Variants in CHN2 observed in about 807,000 individuals in gnomAD.
CHN2 encodes chimerin 2, also known as beta-chimaerin.
Under a neutral mutation model 56.3 loss-of-function variants are expected in CHN2, and 35 were observed. The observed-to-expected ratio is 0.62, with a 90% CI of 0.47 to 0.82. The LOEUF (loss-of-function observed/expected upper bound fraction) is 0.82. CHN2 is among the 40% of genes least tolerant of loss of function. CHN2 has a pLI of 0.00. For missense variants in CHN2, 491 were observed against 580.5 expected, an observed-to-expected ratio of 0.85 and a Z score of 1.58; for synonymous variants, 210 against 212.8, an observed-to-expected ratio of 0.99 and a Z score of 0.12.
intron 1 of CHN2, among the ~76,000 whole-genome samples, chr7:29,354,276 A>G (rs990877179): frequency 6.6e-6 from 1 of 152,234 alleles, no homozygotes; most frequent in African/African-American, 2.4e-5. Context: ...TGTGAGATGA[A>G]TTATATGTTT....
intron 10 of CHN2, 86 bp from the exon 11 acceptor site, chr7:29,507,142 G>T: frequency 2.7e-6 from 3 of 1,116,162 alleles, no homozygotes; most frequent in Non-Finnish European, 1.2e-6. Context: ...AGCATTCATC[G>T]CTGGATTTTT....
chr7:29,352,959 T>C (rs1384377757), intron 1 of CHN2, among the ~76,000 whole-genome samples: 2 of 152,202 alleles, frequency 1.3e-5, no homozygotes, highest in Non-Finnish European at 2.9e-5. Context: ...GCCTTGCTAT[T>C]ATAAGACACT....
chr7:29,435,875 A>G (rs1217271747), intron 6 of CHN2, among the ~76,000 whole-genome samples: 1 of 149,840 alleles, frequency 6.7e-6, no homozygotes, highest in Non-Finnish European at 1.5e-5. Flanking sequence ...ACTTCTCTAA[A>G]TCCTATCAGA....
chr7:29,442,017 T>C (rs1018746086), intron 6 of CHN2, among the ~76,000 whole-genome samples: 33 of 152,072 alleles, frequency 2.2e-4, no homozygotes, highest in African/African-American at 8.0e-4. Context: ...AGCCAAAAGA[T>C]AGAAACCTGC....
At chr7:29,409,568 G>A (rs1381171022) in intron 6 of CHN2, among the ~76,000 whole-genome samples, 1 of 152,206 alleles carries the variant, frequency 6.6e-6, no homozygotes, top group Admixed American at 6.5e-5. Flanking sequence ...TTTATTTGAA[G>A]TATAGGAAGA....
At chr7:29,382,123 A>G (rs1306931515) in intron 3 of CHN2, among the ~76,000 whole-genome samples, 1 of 152,238 alleles carries the variant, frequency 6.6e-6, no homozygotes, top group African/African-American at 2.4e-5. Context: ...GAAAGTGCTT[A>G]GAACAATGCC....
At chr7:29,412,054 T>C in intron 6 of CHN2, among the ~76,000 whole-genome samples, 1 of 152,168 alleles carries the variant, frequency 6.6e-6, no homozygotes, top group East Asian at 1.9e-4. Flanking sequence ...CTATTCAAGT[T>C]CAGGTTCATT....
intron 11 of CHN2, among the ~76,000 whole-genome samples, chr7:29,508,418 T>TTA (rs34208944): frequency 2.1e-5 from 3 of 145,062 alleles, no homozygotes; most frequent in Admixed American, 6.8e-5. Flanking sequence ...TGTTTTTATT[T>TTA]AAAAAAAAAA....
In CHN2 at chr7:29,200,468, C is replaced by T. The variant is rs372063634; in HGVS notation, c.49+5478C>T. Reference sequence around the variant, plus strand: ...TCCCTCCCTTCGCCCCTTCCCCCCTCCCCCCTTCCCCCCCCCTTTTGTCTC... The same window carrying T: ...TCCCTCCCTTCGCCCCTTCCCCCCTTCCCCCTTCCCCCCCCCTTTTGTCTC... On this transcript the variant is annotated intron_variant, in intron 1 of 12. Transcript: ENST00000222792. Among the ~76,000 whole-genome samples the T allele has an allele frequency of 1.1e-3, 141 of 132,540 alleles. 2 individuals carry two copies. The East Asian group carries it at 0.025, about 23-fold the overall frequency. 87.0% of individuals were successfully genotyped at this position (132,540 alleles called of 152,430 possible). A position where few individuals can be genotyped will look rare whatever the true frequency, so the allele number is the denominator to read the frequency against.
chr7:29,503,583 A>G (rs992930375), intron 9 of CHN2, among the ~76,000 whole-genome samples: 1 of 152,232 alleles, frequency 6.6e-6, no homozygotes, highest in East Asian at 1.9e-4. Context: ...CTCAGTGGGA[A>G]AAAGGGCTGA....
rs748126299 is a variant in CHN2 at position 29,374,860 on chromosome 7, CCTCCCTTT to C, written c.144+6893_144+6900del. Among the ~76,000 whole-genome samples the C allele has an allele frequency of 2.9e-4, 43 of 150,616 alleles. No homozygotes were observed. In the East Asian group the frequency reaches 6.4e-3, roughly 23 times the overall value. On this transcript the variant is annotated intron_variant, in intron 3 of 12. Coordinates refer to ENST00000222792, the MANE Select transcript of CHN2 (RefSeq NM_004067.4). The stretch of plus-strand genomic sequence containing the variant: ...TCCTTCCTTCCTTCCTGCCTCCCTC[CCTCCCTTT>C]CTCCCTTTCTCCCTTTCTCTCTTTC...
At chr7:29,373,390 G>C (rs369606132) in intron 3 of CHN2, among the ~76,000 whole-genome samples, 3 of 151,860 alleles carry the variant, frequency 2.0e-5, no homozygotes, top group Admixed American at 6.6e-5. Context: ...GGCCAGGCTG[G>C]TCTTGAATTC....
Position 29,232,047 on chromosome 7 carries a change from T to TG in CHN2, c.49+37058dup, listed in dbSNP as rs1786756980. Among the ~76,000 whole-genome samples the TG allele has an allele frequency of 2.0e-5, 3 of 152,106 alleles. No homozygotes were observed. The South Asian group carries it at 6.2e-4, about 32-fold the overall frequency. ...TGTTTCTGAATCATAGAATTCCTGG[T>TG]GATTGTGTTAGGAGCAGAAAGGGCA... On this transcript the variant is annotated intron_variant, in intron 1 of 12. Transcript: ENST00000222792.
intron 8 of CHN2, among the ~76,000 whole-genome samples, chr7:29,499,051 C>T (rs1191273033): frequency 4.6e-5 from 7 of 152,136 alleles, no homozygotes; most frequent in South Asian, 2.1e-4. Flanking sequence ...TGAGCCACCA[C>T]GCCCGGCCAA....
chr7:29,408,682 G>A (rs1044757315), intron 6 of CHN2, among the ~76,000 whole-genome samples: 2 of 152,168 alleles, frequency 1.3e-5, no homozygotes, highest in East Asian at 3.8e-4. Flanking sequence ...ATTTAATGAA[G>A]GGGCAAGGAA....
intron 6 of CHN2, among the ~76,000 whole-genome samples, chr7:29,413,266 T>C (rs947692738): frequency 2.0e-5 from 3 of 152,218 alleles, no homozygotes; most frequent in South Asian, 4.1e-4. Flanking sequence ...AAGTGACTCA[T>C]TGGTTTAAAA....
At chr7:29,331,778 G>C (rs1385739662) in intron 1 of CHN2, among the ~76,000 whole-genome samples, 2 of 152,078 alleles carry the variant, frequency 1.3e-5, no homozygotes, top group Non-Finnish European at 2.9e-5. Context: ...AATACAATTT[G>C]GGGCCAGGTG....
chr7:29,298,144 C>T (rs578091067), intron 1 of CHN2, among the ~76,000 whole-genome samples: 141 of 152,314 alleles, frequency 9.3e-4, no homozygotes, highest in African/African-American at 3.1e-3. Context: ...ACTTATGTTT[C>T]TATCCCCACT....
intron 1 of CHN2, among the ~76,000 whole-genome samples, chr7:29,266,187 C>G (rs576452912): frequency 6.6e-6 from 1 of 152,188 alleles, no homozygotes; most frequent in African/African-American, 2.4e-5. Flanking sequence ...GAAACTGGAA[C>G]ACCATTGGGC....
Sources: allele counts gnomAD v4.1 joint callset (sites outside exome capture counted in the v4.1 genomes callset), GRCh38; gene constraint gnomAD v4.1.1; transcripts MANE v1.5; gene names NCBI Gene and HGNC (gene_info 2026-07-23, HGNC 2026-07-21).